SORCS2: variants seen among roughly 807,000 people sequenced by gnomAD.
SORCS2 encodes sortilin related VPS10 domain containing receptor 2.
SORCS2 carries 100 observed loss-of-function variants against 141.6 expected under a neutral mutation model. The ratio of observed to expected loss-of-function variants is 0.71; its 90% CI spans 0.60 to 0.83. The LOEUF (loss-of-function observed/expected upper bound fraction) is 0.83, where lower values mean the gene tolerates loss of function less well. SORCS2 is among the 40% of genes least tolerant of loss of function. The probability of loss-of-function intolerance (pLI) is 0.00; values close to 1 mark genes in which losing one functional copy is unlikely to be tolerated. For missense variants in SORCS2, 1,646 were observed against 1,560.2 expected, an observed-to-expected ratio of 1.05 and a Z score of -0.93; for synonymous variants, 789 against 676.9, an observed-to-expected ratio of 1.17 and a Z score of -2.57.
intron 1 of SORCS2, among the ~76,000 whole-genome samples, chr4:7,395,332 C>T (rs72616134): frequency 0.14 from 21,876 of 152,160 alleles, 2,218 homozygotes; most frequent in East Asian, 0.46. Flanking sequence ...CCCCAAATAA[C>T]GAGGCTAACA....
intron 2 of SORCS2, among the ~76,000 whole-genome samples, chr4:7,398,873 A>G (rs927016916): frequency 6.6e-6 from 1 of 152,140 alleles, no homozygotes; most frequent in African/African-American, 2.4e-5. Context: ...AATCAGTTAC[A>G]TGACTGAGCC....
chr4:7,648,968 G>A lies in SORCS2; in HGVS notation c.814-5166G>A, dbSNP rs1367541075. 6.6e-6 allele frequency among the ~76,000 whole-genome samples: 1 copy of A among 152,128 alleles called. No individual in the cohort carries two copies. The highest frequency in any genetic ancestry group is 1.5e-5 in the Non-Finnish European group (1 of 68,012). On this transcript the variant is annotated intron_variant, in intron 4 of 26. Coordinates refer to ENST00000507866, the MANE Select transcript of SORCS2 (RefSeq NM_020777.3). The surrounding 1 kb of genome is among the most constrained non-coding windows in gnomAD (Gnocchi z 4.2). ...GGACACGCCTGGGGATCCCTCCCCC[G>A]AGCCCAGCTGGCACTGGCACCAGGA...
At chr4:7,539,993 C>T in intron 3 of SORCS2, among the ~76,000 whole-genome samples, 1 of 149,650 alleles carries the variant, frequency 6.7e-6, no homozygotes, top group Non-Finnish European at 1.5e-5. Flanking sequence ...TGCAAAGGCC[C>T]CACTCCCTCC....
intron 2 of SORCS2, among the ~76,000 whole-genome samples, chr4:7,438,822 T>C (rs1727469688): frequency 6.6e-6 from 1 of 152,152 alleles, no homozygotes; most frequent in Non-Finnish European, 1.5e-5. Context: ...CCTGTCCACC[T>C]ACCTAGTCAC....
intron 1 of SORCS2, among the ~76,000 whole-genome samples, chr4:7,324,096 C>A (rs1038642278): frequency 1.3e-5 from 2 of 152,190 alleles, no homozygotes; most frequent in African/African-American, 4.8e-5. Context: ...GTGCCCAGAT[C>A]CCACAACCAG....
At chr4:7,297,776 C>T (rs1717179447) in intron 1 of SORCS2, among the ~76,000 whole-genome samples, 1 of 152,226 alleles carries the variant, frequency 6.6e-6, no homozygotes, top group Non-Finnish European at 1.5e-5. Context: ...CCTCAGGCAG[C>T]ACTTTTGGGC....
At chr4:7,412,814 C>T (rs1211668503) in intron 2 of SORCS2, among the ~76,000 whole-genome samples, 1 of 152,018 alleles carries the variant, frequency 6.6e-6, no homozygotes, top group Non-Finnish European at 1.5e-5. Context: ...ATCCCTCCTC[C>T]CACCCAGGCT....
intron 7 of SORCS2, among the ~76,000 whole-genome samples, chr4:7,665,145 C>T (rs536629876): frequency 1.3e-4 from 20 of 152,334 alleles, no homozygotes; most frequent in Middle Eastern, 3.4e-3. Flanking sequence ...CCCAAGGAAG[C>T]CCCTTGAGAG....
chr4:7,724,051 G>C (rs1384042000), intron 19 of SORCS2, among the ~76,000 whole-genome samples, 168 bp downstream of exon 19: 1 of 152,148 alleles, frequency 6.6e-6, no homozygotes. Flanking sequence ...CCGCACCCCT[G>C]ATGACCCATA....
In SORCS2 at chr4:7,374,524, C is replaced by T. The variant is rs115447082; in HGVS notation, c.481-21764C>T. On this transcript the variant is annotated intron_variant, in intron 1 of 26. Coordinates refer to ENST00000507866, the MANE Select transcript of SORCS2 (RefSeq NM_020777.3). ...AGACATTGTCTGCGTGTTGCTTTTC[C>T]GGGTGCAGTGGCTTGGCCTGCCCAC... Among the ~76,000 whole-genome samples the T allele has an allele frequency of 9.0e-3, 1,369 of 152,292 alleles. 22 individuals are homozygous for T. The highest frequency in any genetic ancestry group is 0.031 in the African/African-American group (1,288 of 41,556).
intron 2 of SORCS2, chr4:7,435,083 T>A: frequency 1.7e-6 from 1 of 586,296 alleles, no homozygotes; most frequent in South Asian, 2.5e-5. Flanking sequence ...CCCTCCCCTC[T>A]TTTCCCCTGG....
At chr4:7,715,161 C>T (rs767901104) in intron 16 of SORCS2, 22 bp from the exon 17 acceptor site, 1 of 1,612,036 alleles carries the variant, frequency 6.2e-7, no homozygotes, top group Non-Finnish European at 8.5e-7. Flanking sequence ...CGTCACTTAC[C>T]ACTACTCTTC....
chr4:7,563,013 A>T (rs1443515369), intron 3 of SORCS2, among the ~76,000 whole-genome samples: 1 of 152,176 alleles, frequency 6.6e-6, no homozygotes, highest in Non-Finnish European at 1.5e-5. Context: ...GCATGTGTGG[A>T]GCACCATTTA....
chr4:7,439,018 C>T (rs1727481977), intron 2 of SORCS2, among the ~76,000 whole-genome samples: 1 of 152,128 alleles, frequency 6.6e-6, no homozygotes, highest in Non-Finnish European at 1.5e-5. Flanking sequence ...CTTGAGCCAG[C>T]CCTGGAATCA....
At chr4:7,557,469 A>C (rs1714218783) in intron 3 of SORCS2, among the ~76,000 whole-genome samples, 1 of 152,214 alleles carries the variant, frequency 6.6e-6, no homozygotes, top group Non-Finnish European at 1.5e-5. Context: ...ATAGACTGCA[A>C]AATGTCCTAG....
chr4:7,550,351 G>C (rs1713604936), intron 3 of SORCS2, among the ~76,000 whole-genome samples: 1 of 152,162 alleles, frequency 6.6e-6, no homozygotes, highest in Non-Finnish European at 1.5e-5. Flanking sequence ...ATCTGCAGAG[G>C]ACAACACTTC....
Position 7,296,857 on chromosome 4 carries a change from C to T in SORCS2, c.481-99431C>T, listed in dbSNP as rs547170785. Among the ~76,000 whole-genome samples the T allele has an allele frequency of 7.2e-5, 11 of 152,284 alleles. No individual in the cohort carries two copies. The South Asian group carries it at 8.3e-4, about 11-fold the overall frequency. ...CTATCGCTCGGTAGTCCTTGGCTCT[C>T]GGGGACAGAAGAGGCATGGGTGCCT... On this transcript the variant is annotated intron_variant, in intron 1 of 26. Transcript: ENST00000507866.
intron 3 of SORCS2, among the ~76,000 whole-genome samples, chr4:7,539,678 CG>C (rs1230717973): frequency 3.9e-5 from 6 of 152,232 alleles, no homozygotes; most frequent in African/African-American, 1.4e-4. Context: ...TGCAAGGCCC[CG>C]ACCCCCGTTA....
chr4:7,690,201 G>A (rs1007279380), intron 11 of SORCS2, among the ~76,000 whole-genome samples: 8 of 151,052 alleles, frequency 5.3e-5, no homozygotes, highest in African/African-American at 1.9e-4. Flanking sequence ...ATGGATGAGT[G>A]GATGAAAGGA....
Sources: allele counts gnomAD v4.1 joint callset (sites outside exome capture counted in the v4.1 genomes callset), GRCh38; gene constraint gnomAD v4.1.1; non-coding constraint Gnocchi (gnomAD v3.1); transcripts MANE v1.5; gene names NCBI Gene and HGNC (gene_info 2026-07-23, HGNC 2026-07-21).